Variants in GALNT13 observed in about 807,000 individuals in gnomAD.
GALNT13 encodes polypeptide N-acetylgalactosaminyltransferase 13, also known as UDP-GalNAc:polypeptide N-acetylgalactosaminyltransferase 13.
In GALNT13, 28 loss-of-function variants were observed where a neutral mutation model predicts 64.2. That is an observed-to-expected ratio of 0.44 (90% CI 0.32 to 0.60). The LOEUF (loss-of-function observed/expected upper bound fraction) is 0.60, where lower values mean the gene tolerates loss of function less well. Among genes scored for constraint, GALNT13 ranks in the 20% least tolerant of loss-of-function variants. GALNT13 has a pLI of 0.05. For synonymous variants in GALNT13, 214 were observed against 224.6 expected (o/e 0.95, Z 0.42); for missense variants, 577 against 669.8 (o/e 0.86, Z 1.53).
chr2:154,156,410 T>C (rs1014201013), intron 4 of GALNT13, among the ~76,000 whole-genome samples: 2 of 152,086 alleles, frequency 1.3e-5, no homozygotes, highest in African/African-American at 4.8e-5. Context: ...TTTTCCCCCA[T>C]GACACAGTTT....
chr2:153,128,652 G>T, the GALNT13 span, among the ~76,000 whole-genome samples: 5,602 of 152,234 alleles, frequency 0.037, 136 homozygotes, highest in African/African-American at 0.071. Flanking sequence ...ATATTTTTCT[G>T]TGTGAGTGTG....
At chr2:153,305,971 T>C in the GALNT13 span, among the ~76,000 whole-genome samples, 3 of 152,198 alleles carry the variant, frequency 2.0e-5, no homozygotes, top group South Asian at 2.1e-4. Context: ...AGGGCAAACG[T>C]TGGAATGGTC....
chr2:154,416,365 G>A (rs1700007806), intron 11 of GALNT13, among the ~76,000 whole-genome samples: 1 of 151,374 alleles, frequency 6.6e-6, no homozygotes, highest in South Asian at 2.1e-4. Context: ...TAGATCTCTG[G>A]GTTTCTTTCA....
chr2:153,403,918 C>T, the GALNT13 span, among the ~76,000 whole-genome samples: 2 of 152,154 alleles, frequency 1.3e-5, no homozygotes, highest in African/African-American at 2.4e-5. Context: ...AGCTGTAGAC[C>T]GGAGCTGTTC....
At chr2:153,230,201 T>C in the GALNT13 span, among the ~76,000 whole-genome samples, 3 of 152,188 alleles carry the variant, frequency 2.0e-5, no homozygotes, top group Non-Finnish European at 4.4e-5. Context: ...GGAACAGAGA[T>C]GGTAAAGTCA....
the GALNT13 span, among the ~76,000 whole-genome samples, chr2:153,318,434 G>A: frequency 2.0e-4 from 30 of 152,282 alleles, no homozygotes; most frequent in South Asian, 4.1e-4. Flanking sequence ...TCCAGAACAG[G>A]AGGTATTATG....
chr2:153,548,409 A>G, the GALNT13 span, among the ~76,000 whole-genome samples: 1 of 152,216 alleles, frequency 6.6e-6, no homozygotes, highest in African/African-American at 2.4e-5. Flanking sequence ...GATGAGGTAT[A>G]TTAATAAACC....
the GALNT13 span, among the ~76,000 whole-genome samples, chr2:153,829,303 C>T: frequency 1.3e-5 from 2 of 151,996 alleles, no homozygotes; most frequent in Non-Finnish European, 2.9e-5. Context: ...ATACCTAAGA[C>T]TGGGTTATTT....
intron 3 of GALNT13, among the ~76,000 whole-genome samples, chr2:153,969,469 A>T: frequency 6.6e-6 from 1 of 152,226 alleles, no homozygotes; most frequent in Middle Eastern, 3.4e-3. Flanking sequence ...GAAGAAGAAT[A>T]TAAAAGAACT....
chr2:153,475,029 T>C, the GALNT13 span, among the ~76,000 whole-genome samples: 2 of 152,230 alleles, frequency 1.3e-5, no homozygotes, highest in African/African-American at 4.8e-5. Context: ...TGAGCAGGAT[T>C]AAAATGTTTC....
At chr2:153,717,509 A>C in the GALNT13 span, among the ~76,000 whole-genome samples, 5 of 152,334 alleles carry the variant, frequency 3.3e-5, no homozygotes, top group Admixed American at 3.3e-4. Context: ...CCTCAGAATA[A>C]AACCTTGTAC....
At chr2:153,525,840 C>G in the GALNT13 span, among the ~76,000 whole-genome samples, 1 of 152,140 alleles carries the variant, frequency 6.6e-6, no homozygotes, top group South Asian at 2.1e-4. Context: ...CATGTAAGTC[C>G]CAGGCCAGAG....
chr2:154,254,027 G>T (rs941229453), intron 7 of GALNT13, among the ~76,000 whole-genome samples: 1 of 152,182 alleles, frequency 6.6e-6, no homozygotes, highest in Non-Finnish European at 1.5e-5. Flanking sequence ...GGAAGAGTAT[G>T]TCTTGATTGA....
At chr2:153,327,709 G>T in the GALNT13 span, among the ~76,000 whole-genome samples, 1 of 151,822 alleles carries the variant, frequency 6.6e-6, no homozygotes, top group Admixed American at 6.6e-5. Flanking sequence ...TTGTATCAAG[G>T]TTCTTAGCTT....
chr2:153,635,278 A>G, the GALNT13 span, among the ~76,000 whole-genome samples: 1 of 151,754 alleles, frequency 6.6e-6, no homozygotes, highest in Non-Finnish European at 1.5e-5. Context: ...ATAGTACACT[A>G]CCTTTCCACA....
intron 11 of GALNT13, among the ~76,000 whole-genome samples, chr2:154,424,809 T>C (rs569054049): frequency 6.6e-6 from 1 of 152,364 alleles, no homozygotes; most frequent in Admixed American, 6.5e-5. Flanking sequence ...TCTGAGATCA[T>C]ATTCCTAACG....
chr2:153,370,593 T>C, the GALNT13 span: 1 of 152,132 alleles, frequency 6.6e-6, no homozygotes, highest in African/African-American at 2.4e-5. Context: ...GAAAAAGCAT[T>C]CGATGCCTTG....
chr2:154,317,499 A>G (rs1694387473), intron 9 of GALNT13, among the ~76,000 whole-genome samples: 1 of 152,138 alleles, frequency 6.6e-6, no homozygotes, highest in Non-Finnish European at 1.5e-5. Flanking sequence ...AAACTTTCTA[A>G]CTCTAAAATT....
At chr2:154,418,507 C>T (rs183052958) in intron 11 of GALNT13, among the ~76,000 whole-genome samples, 422 of 152,130 alleles carry the variant, frequency 2.8e-3, no homozygotes, top group African/African-American at 9.6e-3. Context: ...TGGAGTAAAG[C>T]GGCCAATAAG....
Sources: gnomAD v4.1 joint callset for allele counts (sites outside exome capture counted in the v4.1 genomes callset) on GRCh38, gnomAD v4.1.1 for gene constraint, MANE v1.5 for transcripts, NCBI Gene and HGNC (gene_info 2026-07-23, HGNC 2026-07-21) for gene names.